The following RORA variants were observed in gnomAD, a reference collection of about 807,000 sequenced individuals.
The protein encoded by RORA is nuclear receptor ROR-alpha.
A neutral mutation model predicts 69.5 loss-of-function variants in RORA; 7 were observed. The ratio of observed to expected loss-of-function variants is 0.10; its 90% CI spans 0.06 to 0.19. RORA has a LOEUF of 0.19. RORA is among the 10% of genes least tolerant of loss of function. The probability of loss-of-function intolerance (pLI) is 1.00; values close to 1 mark genes in which losing one functional copy is unlikely to be tolerated. For synonymous variants in RORA, 261 were observed against 240.8 expected (o/e 1.08, Z -0.78); for missense variants, 457 against 663.0 (o/e 0.69, Z 3.41).
chr15:61,009,058 AC>A (rs368826764), intron 1 of RORA, among the ~76,000 whole-genome samples: 1 of 152,196 alleles, frequency 6.6e-6, no homozygotes, highest in Non-Finnish European at 1.5e-5. Context: ...CTACTGCTTC[AC>A]AAGACTGCTG....
chr15:60,815,280 A>T (rs571941927), intron 1 of RORA, among the ~76,000 whole-genome samples: 2 of 152,248 alleles, frequency 1.3e-5, no homozygotes, highest in East Asian at 3.9e-4. Flanking sequence ...TATTGCATTT[A>T]AGGAACTGTA....
chr15:60,912,443 CAAAACAAA>C (rs1274742239), intron 1 of RORA, among the ~76,000 whole-genome samples: 178 of 150,982 alleles, frequency 1.2e-3, no homozygotes, highest in African/African-American at 4.1e-3. Flanking sequence ...CAAAACAAAA[CAAAACAAA>C]AAAACAAAAA....
At chr15:60,709,588 C>T (rs1478093458) in intron 1 of RORA, among the ~76,000 whole-genome samples, 1 of 151,810 alleles carries the variant, frequency 6.6e-6, no homozygotes, top group Non-Finnish European at 1.5e-5. Context: ...GAAGCATGAA[C>T]CCTGTTGTGA....
intron 1 of RORA, among the ~76,000 whole-genome samples, chr15:61,191,579 T>C (rs371229760): frequency 7.9e-5 from 12 of 152,322 alleles, no homozygotes; most frequent in East Asian, 3.9e-4. Flanking sequence ...GATAAACACA[T>C]TGCCAACCTT....
chr15:60,603,432 G>A (rs1248235977), intron 2 of RORA, among the ~76,000 whole-genome samples: 1 of 152,184 alleles, frequency 6.6e-6, no homozygotes, highest in Admixed American at 6.5e-5. Flanking sequence ...ACATGGTGTT[G>A]TTGAATATTT....
intron 1 of RORA, among the ~76,000 whole-genome samples, chr15:61,175,745 C>A (rs535871492): frequency 6.6e-6 from 1 of 152,190 alleles, no homozygotes; most frequent in Admixed American, 6.5e-5. Context: ...GATGTTGAAA[C>A]TGAGGCTCAC....
intron 1 of RORA, among the ~76,000 whole-genome samples, chr15:60,884,544 G>C (rs1392664243): frequency 6.6e-6 from 1 of 152,130 alleles, no homozygotes; most frequent in African/African-American, 2.4e-5. Context: ...TGTATGGAGA[G>C]AGAGCAAAAG....
At chr15:60,937,951 T>G (rs1297702544) in intron 1 of RORA, among the ~76,000 whole-genome samples, 2 of 152,216 alleles carry the variant, frequency 1.3e-5, no homozygotes, top group African/African-American at 4.8e-5. Context: ...GCTTATGATG[T>G]GCCAGGAACC....
intron 1 of RORA, among the ~76,000 whole-genome samples, chr15:61,224,163 A>T (rs116541311): frequency 0.011 from 1,675 of 152,198 alleles, 29 homozygotes; most frequent in African/African-American, 0.038. Context: ...TTTCAAAAAT[A>T]CTCTCCTTGT....
chr15:61,027,656 T>C (rs1016677113), intron 1 of RORA, among the ~76,000 whole-genome samples: 2 of 152,220 alleles, frequency 1.3e-5, no homozygotes, highest in Admixed American at 6.5e-5. Flanking sequence ...TCAGGCATCA[T>C]CTCTAACTTT....
rs1448263543 is a variant in RORA at position 60,542,650 on chromosome 15, G to A, written c.197-10799C>T. ...CATGCACACCTCACACACGACACAC[G>A]GGCACACCTCACACACATGGCACAC... On this transcript the variant is annotated intron_variant, in intron 2 of 10. Transcript: ENST00000335670. Among the ~76,000 whole-genome samples the A allele has an allele frequency of 1.4e-3, 150 of 105,080 alleles. 12 individuals carry two copies. The highest frequency in any genetic ancestry group is 7.4e-3 in the African/African-American group (145 of 19,612). 68.9% of individuals were successfully genotyped at this position (105,080 alleles called of 152,430 possible).
intron 1 of RORA, among the ~76,000 whole-genome samples, chr15:61,155,560 G>A (rs1263898341): frequency 6.6e-6 from 1 of 152,206 alleles, no homozygotes; most frequent in Non-Finnish European, 1.5e-5. Flanking sequence ...TGTTTGGGGA[G>A]TTGTGGCCGC....
At chr15:60,559,804 T>A (rs2067478827) in intron 2 of RORA, among the ~76,000 whole-genome samples, 1 of 152,262 alleles carries the variant, frequency 6.6e-6, no homozygotes, top group Admixed American at 6.5e-5. Context: ...CAAATAGATA[T>A]GTTACAAGAC....
At chr15:60,516,892 T>G (rs929803097) in intron 3 of RORA, among the ~76,000 whole-genome samples, 2 of 152,072 alleles carry the variant, frequency 1.3e-5, no homozygotes, top group African/African-American at 4.8e-5. Flanking sequence ...CAAATGGTAT[T>G]TCAGAAATAT....
chr15:60,625,697 G>C (rs1045095344), intron 2 of RORA, among the ~76,000 whole-genome samples: 2 of 152,230 alleles, frequency 1.3e-5, no homozygotes, highest in Non-Finnish European at 2.9e-5. Flanking sequence ...AAAAAATCAA[G>C]ATGCAGACAG....
intron 1 of RORA, among the ~76,000 whole-genome samples, chr15:60,863,838 G>T (rs554203953): frequency 1.4e-5 from 2 of 147,488 alleles, no homozygotes; most frequent in Admixed American, 6.8e-5. Context: ...ACAGAGTCTC[G>T]CTCTGTCGCC....
Position 60,495,914 on chromosome 15 carries a change from C to T in RORA, c.*1541G>A, listed in dbSNP as rs2065156169. ...AACAACTCAGTATTTCTCACCTGAA[C>T]ACACAAGCCAAATAATCTTCTAAAT... is the stretch of plus-strand genomic sequence containing the variant. On this transcript the variant is annotated 3_prime_UTR_variant, in exon 11 of 11. Coordinates refer to ENST00000335670, the MANE Select transcript of RORA (RefSeq NM_134261.3). 6.7e-6 allele frequency: 1 copy of T among 149,974 alleles called. No homozygotes were observed. The highest frequency in any genetic ancestry group is 1.5e-5 in the Non-Finnish European group (1 of 67,578). The allele number at this position is 149,974 out of a possible 1,614,324, so 9.3% of individuals were successfully genotyped here.
intron 3 of RORA, among the ~76,000 whole-genome samples, chr15:60,522,807 C>T (rs1255802919): frequency 6.8e-6 from 1 of 147,938 alleles, no homozygotes; most frequent in Non-Finnish European, 1.5e-5. Context: ...TGTGGTGGCT[C>T]ACACCTGTAA....
chr15:60,569,284 C>T (rs1295993987), intron 2 of RORA, among the ~76,000 whole-genome samples: 1 of 143,034 alleles, frequency 7.0e-6, no homozygotes, highest in African/African-American at 2.6e-5. Context: ...AAAAAAAAAG[C>T]CATGTGTGGT....
Sources: allele counts gnomAD v4.1 joint callset (sites outside exome capture counted in the v4.1 genomes callset), GRCh38; gene constraint gnomAD v4.1.1; transcripts MANE v1.5; gene names NCBI Gene and HGNC (gene_info 2026-07-23, HGNC 2026-07-21).